The following LRFN5 variants were observed in gnomAD, a reference collection of about 807,000 sequenced individuals.
LRFN5 encodes the protein leucine-rich repeat and fibronectin type-III domain-containing protein 5.
In LRFN5, 24 loss-of-function variants were observed where a neutral mutation model predicts 45.6. The observed-to-expected ratio is 0.53, with a 90% CI of 0.38 to 0.74. The LOEUF is 0.74. Ranked by LOEUF, LRFN5 falls within the 30% of genes least tolerant of loss-of-function variation. The pLI is 0.00. For synonymous variants in LRFN5, 340 were observed against 313.8 expected (o/e 1.08, Z -0.88); for missense variants, 776 against 861.5 (o/e 0.90, Z 1.24).
intron 1 of LRFN5, among the ~76,000 whole-genome samples, chr14:41,639,730 T>A (rs1879476133): frequency 6.6e-6 from 1 of 152,050 alleles, no homozygotes; most frequent in African/African-American, 2.4e-5. Context: ...ACTGTTGCAT[T>A]GATGGTATCC....
intron 2 of LRFN5, among the ~76,000 whole-genome samples, chr14:41,846,551 G>T (rs867577048): frequency 6.6e-6 from 1 of 152,208 alleles, no homozygotes; most frequent in Middle Eastern, 3.4e-3. Flanking sequence ...ATGTTAGATG[G>T]TGTTAAAACT....
intron 1 of LRFN5, among the ~76,000 whole-genome samples, chr14:41,656,715 C>G (rs1035575844): frequency 3.3e-5 from 5 of 151,842 alleles, no homozygotes; most frequent in African/African-American, 1.2e-4. Flanking sequence ...CCCATAATTA[C>G]TGGAACATAG....
intron 1 of LRFN5, among the ~76,000 whole-genome samples, chr14:41,734,065 GC>G (rs1884300163): frequency 9.2e-6 from 1 of 108,262 alleles, no homozygotes; most frequent in Admixed American, 1.0e-4. Flanking sequence ...CACTCTTATT[GC>G]CCAGGCTGGG....
intron 1 of LRFN5, among the ~76,000 whole-genome samples, chr14:41,714,253 G>A (rs928746476): frequency 2.0e-5 from 3 of 152,230 alleles, no homozygotes; most frequent in Non-Finnish European, 2.9e-5. Context: ...TTGATATTTA[G>A]AGGGATACTT....
intron 2 of LRFN5, among the ~76,000 whole-genome samples, chr14:41,781,614 A>G (rs200309548): frequency 1.7e-4 from 15 of 88,226 alleles, no homozygotes; most frequent in African/African-American, 3.9e-4. Context: ...GAAAGAAAGA[A>G]AGAGAAAGAA....
intron 3 of LRFN5, among the ~76,000 whole-genome samples, chr14:41,890,064 G>A (rs918363027): frequency 6.6e-6 from 1 of 151,936 alleles, no homozygotes; most frequent in Non-Finnish European, 1.5e-5. Context: ...GTGTTTCACC[G>A]TATCGGTCAG....
At chr14:41,790,394 C>T (rs1886876691) in intron 2 of LRFN5, among the ~76,000 whole-genome samples, 1 of 151,680 alleles carries the variant, frequency 6.6e-6, no homozygotes, top group Non-Finnish European at 1.5e-5. Context: ...CTACTAATGA[C>T]ATTGTTGATA....
At chr14:41,650,266 C>CACACACAAAAA (rs1247683262) in intron 1 of LRFN5, among the ~76,000 whole-genome samples, 76 of 135,498 alleles carry the variant, frequency 5.6e-4, no homozygotes, top group Admixed American at 2.9e-3. Context: ...CACACACACA[C>CACACACAAAAA]AAAAAAAAAA....
At chr14:41,642,256 A>G (rs1244847520) in intron 1 of LRFN5, among the ~76,000 whole-genome samples, 1 of 152,176 alleles carries the variant, frequency 6.6e-6, no homozygotes, top group African/African-American at 2.4e-5. Context: ...ACCACAAAGT[A>G]CAATCTGGCT....
chr14:41,854,181 T>C (rs961904235), intron 2 of LRFN5, among the ~76,000 whole-genome samples: 2 of 152,158 alleles, frequency 1.3e-5, no homozygotes, highest in South Asian at 2.1e-4. Context: ...AGTGTTCTCA[T>C]TGTTCAATTC....
At chr14:41,730,984 A>T (rs73311004) in intron 1 of LRFN5, among the ~76,000 whole-genome samples, 3 of 152,016 alleles carry the variant, frequency 2.0e-5, no homozygotes, top group African/African-American at 7.2e-5. Flanking sequence ...ATGGGATTTT[A>T]GCATCTAGAT....
chr14:41,769,682 A>AT (rs1166245972), intron 2 of LRFN5, among the ~76,000 whole-genome samples: 1 of 152,052 alleles, frequency 6.6e-6, no homozygotes, highest in Non-Finnish European at 1.5e-5. Flanking sequence ...GTGGTGCTTT[A>AT]TTTTTCTGAA....
intron 1 of LRFN5, among the ~76,000 whole-genome samples, chr14:41,703,857 G>C (rs1278080392): frequency 1.4e-5 from 2 of 146,374 alleles, no homozygotes; most frequent in Admixed American, 6.8e-5. Context: ...TTTCTTTGGG[G>C]ACTTTGACTT....
intron 1 of LRFN5, among the ~76,000 whole-genome samples, chr14:41,730,760 A>G (rs1884138041): frequency 6.6e-6 from 1 of 151,854 alleles, no homozygotes; most frequent in Non-Finnish European, 1.5e-5. Flanking sequence ...ATATATGTAT[A>G]TATCTGTATG....
rs183958937 is a variant in LRFN5, at chr14:41,854,296, C to G, written c.-20-32310C>G. ...TCTGTGTCCCTACAAAGGACATGAACTCATCCTTTTTTATGGCTGCATAGT... is the reference window on the plus strand; with the variant it reads ...TCTGTGTCCCTACAAAGGACATGAAGTCATCCTTTTTTATGGCTGCATAGT... On this transcript the variant is annotated intron_variant, in intron 2 of 5. Transcript: ENST00000298119. Among the ~76,000 whole-genome samples, 270 of 150,226 alleles carry G rather than the reference C, an allele frequency of 1.8e-3. 1 individual carries two copies. The highest frequency in any genetic ancestry group is 0.017 in the Middle Eastern group (5 of 290).
At chr14:41,673,239 C>A (rs888169799) in intron 1 of LRFN5, among the ~76,000 whole-genome samples, 1 of 152,000 alleles carries the variant, frequency 6.6e-6, no homozygotes, top group Non-Finnish European at 1.5e-5. Context: ...GGTACACCTC[C>A]CAGACGGGGT....
intron 5 of LRFN5, among the ~76,000 whole-genome samples, chr14:41,900,045 T>C (rs1334344868): frequency 1.3e-5 from 2 of 152,098 alleles, no homozygotes; most frequent in Non-Finnish European, 2.9e-5. Flanking sequence ...CATCTCTCTC[T>C]CTCTACCCAT....
At chr14:41,757,098 G>C (rs1885428176) in intron 1 of LRFN5, among the ~76,000 whole-genome samples, 1 of 152,174 alleles carries the variant, frequency 6.6e-6, no homozygotes, top group South Asian at 2.1e-4. Context: ...AAATGTTGCT[G>C]CCTGATCGTT....
At chr14:41,901,729 G>T (rs145101115) in intron 5 of LRFN5, among the ~76,000 whole-genome samples, 1,847 of 152,074 alleles carry the variant, frequency 0.012, 12 homozygotes, top group Non-Finnish European at 0.017. Context: ...GAAAATACAT[G>T]AAATAAGAGC....
Sources: gnomAD v4.1 joint callset for allele counts (sites outside exome capture counted in the v4.1 genomes callset) on GRCh38, gnomAD v4.1.1 for gene constraint, MANE v1.5 for transcripts, NCBI Gene and HGNC (gene_info 2026-07-23, HGNC 2026-07-21) for gene names.